BNC2: variants seen among roughly 807,000 people sequenced by gnomAD.
The protein encoded by BNC2 is basonuclin zinc finger protein 2, also known as zinc finger protein basonuclin-2.
A neutral mutation model predicts 76.3 loss-of-function variants in BNC2; 20 were observed. That is an observed-to-expected ratio of 0.26 (90% CI 0.18 to 0.38). The LOEUF (loss-of-function observed/expected upper bound fraction) is 0.38, where lower values mean the gene tolerates loss of function less well. Among genes scored for constraint, BNC2 ranks in the 10% least tolerant of loss-of-function variants. BNC2 has a pLI of 1.00. For synonymous variants in BNC2, 582 were observed against 514.8 expected (o/e 1.13, Z -1.77); for missense variants, 1,382 against 1,399.8 (o/e 0.99, Z 0.20).
chr9:16,835,989 C>T (rs1358708623), intron 1 of BNC2, among the ~76,000 whole-genome samples: 1 of 152,166 alleles, frequency 6.6e-6, no homozygotes, highest in Non-Finnish European at 1.5e-5. Context: ...CACTAGAAAT[C>T]TATTTCACCC....
intron 5 of BNC2, among the ~76,000 whole-genome samples, chr9:16,506,887 G>A (rs1391165328): frequency 6.6e-6 from 1 of 152,034 alleles, no homozygotes; most frequent in Non-Finnish European, 1.5e-5. Flanking sequence ...GAGTAGCTAG[G>A]ATTACAGGCA....
At chr9:16,624,034 G>T (rs776139562) in intron 3 of BNC2, among the ~76,000 whole-genome samples, 19 of 152,226 alleles carry the variant, frequency 1.2e-4, no homozygotes, top group Non-Finnish European at 2.8e-4. Context: ...TATACCAAAT[G>T]TATTTTAAAA....
At chr9:16,660,861 T>C (rs1380193355) in intron 3 of BNC2, among the ~76,000 whole-genome samples, 2 of 152,284 alleles carry the variant, frequency 1.3e-5, no homozygotes, top group South Asian at 2.1e-4. Context: ...TTGTAAGTAA[T>C]ATAGAGATGA....
chr9:16,513,180 G>C (rs1309183757), intron 5 of BNC2, among the ~76,000 whole-genome samples: 1 of 151,156 alleles, frequency 6.6e-6, no homozygotes, highest in African/African-American at 2.4e-5. Flanking sequence ...GAAATAAAGT[G>C]TTCATGCAAA....
chr9:16,738,140 T>C (rs1341199519), intron 2 of BNC2, among the ~76,000 whole-genome samples: 1 of 152,134 alleles, frequency 6.6e-6, no homozygotes, highest in Non-Finnish European at 1.5e-5. Flanking sequence ...ACGTTCAAAA[T>C]CATTCAAATA....
intron 3 of BNC2, among the ~76,000 whole-genome samples, chr9:16,665,510 C>G (rs1563888114): frequency 6.7e-6 from 1 of 149,996 alleles, no homozygotes; most frequent in Non-Finnish European, 1.5e-5. Context: ...GAAATCACAG[C>G]AAATTTCCTA....
At chr9:16,541,119 T>G (rs1026581348) in intron 5 of BNC2, among the ~76,000 whole-genome samples, 1 of 152,232 alleles carries the variant, frequency 6.6e-6, no homozygotes, top group Non-Finnish European at 1.5e-5. Context: ...TGTCTTGTAC[T>G]GCTCTCAGTT....
At chr9:16,476,349 C>T (rs542162676) in intron 5 of BNC2, 2 of 152,336 alleles carry the variant, frequency 1.3e-5, no homozygotes, top group South Asian at 4.1e-4. Flanking sequence ...CCTGGAGTTT[C>T]TCCTGTACAC....
chr9:16,714,536 A>T (rs1823942878), intron 3 of BNC2, among the ~76,000 whole-genome samples: 1 of 152,210 alleles, frequency 6.6e-6, no homozygotes, highest in Non-Finnish European at 1.5e-5. Context: ...TATCTGACTT[A>T]CTCTAACACA....
intron 3 of BNC2, among the ~76,000 whole-genome samples, chr9:16,601,552 A>G (rs1820244529): frequency 1.3e-5 from 2 of 152,172 alleles, no homozygotes; most frequent in Non-Finnish European, 2.9e-5. Context: ...TTGAAAGCAG[A>G]GCTTCTCAGA....
At chr9:16,765,427 G>T (rs1252837233) in intron 1 of BNC2, among the ~76,000 whole-genome samples, 1 of 152,112 alleles carries the variant, frequency 6.6e-6, no homozygotes, top group African/African-American at 2.4e-5. Flanking sequence ...TAAACAGATG[G>T]AAACAATATT....
chr9:16,500,542 T>C (rs1356868979), intron 5 of BNC2, among the ~76,000 whole-genome samples: 1 of 152,186 alleles, frequency 6.6e-6, no homozygotes, highest in African/African-American at 2.4e-5. Flanking sequence ...AGCTCATATA[T>C]GACTAAACAA....
chr9:16,798,222 C>A (rs1817701732), intron 1 of BNC2, among the ~76,000 whole-genome samples: 1 of 152,146 alleles, frequency 6.6e-6, no homozygotes, highest in African/African-American at 2.4e-5. Context: ...TAGGCACAGC[C>A]TCTCACAAAA....
chr9:16,719,856 T>C (rs570378722), intron 3 of BNC2, among the ~76,000 whole-genome samples: 1 of 152,354 alleles, frequency 6.6e-6, no homozygotes, highest in African/African-American at 2.4e-5. Context: ...CTGCAGTTTG[T>C]CTGAAAGAAT....
At chr9:16,530,273 A>G (rs573429955) in intron 5 of BNC2, among the ~76,000 whole-genome samples, 1 of 152,170 alleles carries the variant, frequency 6.6e-6, no homozygotes, top group Non-Finnish European at 1.5e-5. Flanking sequence ...CTCTCTTTGC[A>G]GATTTTCTCC....
intron 1 of BNC2, among the ~76,000 whole-genome samples, chr9:16,866,663 T>TAA (rs55953726): frequency 1.9e-3 from 182 of 96,784 alleles, no homozygotes; most frequent in African/African-American, 5.5e-3. Flanking sequence ...CTGTCACTTT[T>TAA]AAAAAAAAAA....
intron 3 of BNC2, among the ~76,000 whole-genome samples, chr9:16,723,570 G>T (rs1344753807): frequency 6.6e-6 from 1 of 151,582 alleles, no homozygotes; most frequent in East Asian, 1.9e-4. Flanking sequence ...TGGCCTATAT[G>T]AATAGAAAAA....
At chr9:16,496,280 C>T (rs1341326584) in intron 5 of BNC2, among the ~76,000 whole-genome samples, 1 of 152,086 alleles carries the variant, frequency 6.6e-6, no homozygotes. Context: ...ATACCAGAAC[C>T]CATATCTAAT....
chr9:16,520,393 G>C (rs1817580433), intron 5 of BNC2, among the ~76,000 whole-genome samples: 1 of 152,120 alleles, frequency 6.6e-6, no homozygotes, highest in Non-Finnish European at 1.5e-5. Context: ...AAGAAAAGCA[G>C]GAATGGTTAA....
Sources: allele counts gnomAD v4.1 joint callset (sites outside exome capture counted in the v4.1 genomes callset), GRCh38; gene constraint gnomAD v4.1.1; transcripts MANE v1.5; gene names NCBI Gene and HGNC (gene_info 2026-07-23, HGNC 2026-07-21).